GLRB: variants seen among roughly 807,000 people sequenced by gnomAD.
GLRB encodes glycine receptor beta.
In GLRB, 33 loss-of-function variants were observed where a neutral mutation model predicts 54.2. The observed-to-expected ratio is 0.61, with a 90% CI of 0.46 to 0.81. GLRB has a LOEUF of 0.81. Among genes scored for constraint, GLRB ranks in the 40% least tolerant of loss-of-function variants. The probability of loss-of-function intolerance (pLI) is 0.00; values close to 1 mark genes in which losing one functional copy is unlikely to be tolerated. For synonymous variants in GLRB, 209 were observed against 208.2 expected (o/e 1.00, Z -0.03); for missense variants, 572 against 584.6 (o/e 0.98, Z 0.22).
chr4:157,152,156 C>A (rs1394882838), intron 8 of GLRB, among the ~76,000 whole-genome samples: 5 of 152,118 alleles, frequency 3.3e-5, no homozygotes, highest in Non-Finnish European at 4.4e-5. Context: ...ATGGAGCAGA[C>A]CTTCATACCT....
At chr4:157,120,783 G>T in intron 3 of GLRB, 121 bp downstream of exon 3, 1 of 547,594 alleles carries the variant, frequency 1.8e-6, no homozygotes, top group Non-Finnish European at 3.4e-6. Flanking sequence ...AGATTTCAAA[G>T]TGATATATAA....
intron 2 of GLRB, among the ~76,000 whole-genome samples, chr4:157,081,712 T>A (rs1734228841): frequency 6.6e-6 from 1 of 152,218 alleles, no homozygotes; most frequent in South Asian, 2.1e-4. Context: ...ACCCTCTTCA[T>A]TGACTCCTTT....
chr4:157,077,574 A>C (rs1385267227), intron 1 of GLRB, among the ~76,000 whole-genome samples: 2 of 152,096 alleles, frequency 1.3e-5, no homozygotes, highest in Non-Finnish European at 2.9e-5. Flanking sequence ...ATTTAAAAAG[A>C]AAAAGATACT....
In GLRB at chr4:157,148,906, G is replaced by A. The variant is rs549631787; in HGVS notation, c.905-3812G>A. On this transcript the variant is annotated intron_variant, in intron 8 of 9. Coordinates refer to ENST00000264428, the MANE Select transcript of GLRB (RefSeq NM_000824.5). The stretch of plus-strand genomic sequence containing the variant: ...CTTTTGTGTGGTTATTGTTATTGGT[G>A]AGAGATGTTAAGATCTCCAATTATA... 2.0e-5 allele frequency among the ~76,000 whole-genome samples: 3 copies of A among 152,140 alleles called. No homozygotes were observed. In the East Asian group the frequency reaches 5.8e-4, roughly 29 times the overall value.
At chr4:157,169,466 A>G (rs1358899880) in intron 9 of GLRB, among the ~76,000 whole-genome samples, 1 of 152,110 alleles carries the variant, frequency 6.6e-6, no homozygotes, top group African/African-American at 2.4e-5. Flanking sequence ...TCTGTGGGGA[A>G]TTGGTTCCAG....
chr4:157,099,222 G>A (rs1317338387), intron 2 of GLRB, among the ~76,000 whole-genome samples: 1 of 152,098 alleles, frequency 6.6e-6, no homozygotes, highest in African/African-American at 2.4e-5. Context: ...GTAACATGAA[G>A]ACTGGAGTTA....
At chr4:157,155,449 A>G (rs1737190324) in intron 9 of GLRB, among the ~76,000 whole-genome samples, 1 of 152,064 alleles carries the variant, frequency 6.6e-6, no homozygotes, top group Non-Finnish European at 1.5e-5. Flanking sequence ...TCCTTTACCC[A>G]TTTTTGGATA....
intron 2 of GLRB, among the ~76,000 whole-genome samples, chr4:157,105,808 T>C (rs958655030): frequency 6.6e-6 from 1 of 152,130 alleles, no homozygotes; most frequent in African/African-American, 2.4e-5. Context: ...TTAAAGTCTA[T>C]TTTATCTAGG....
intron 2 of GLRB, among the ~76,000 whole-genome samples, chr4:157,117,378 A>G (rs979878371): frequency 6.6e-6 from 1 of 151,656 alleles, no homozygotes; most frequent in Non-Finnish European, 1.5e-5. Context: ...CTCTTCTACC[A>G]ATGTTTTTCT....
chr4:157,151,256 G>A (rs1478469567), intron 8 of GLRB, among the ~76,000 whole-genome samples: 1 of 152,010 alleles, frequency 6.6e-6, no homozygotes, highest in African/African-American at 2.4e-5. Flanking sequence ...CACAAAATTT[G>A]GCAAAGAATA....
At chr4:157,095,951 C>G (rs1242859660) in intron 2 of GLRB, among the ~76,000 whole-genome samples, 1 of 152,090 alleles carries the variant, frequency 6.6e-6, no homozygotes, top group Non-Finnish European at 1.5e-5. Context: ...TTGGAGCTCA[C>G]AACATAGGAA....
At chr4:157,136,956 GACATCTTAGACA>G in intron 6 of GLRB, 70 bp downstream of exon 6, 1 of 869,630 alleles carries the variant, frequency 1.1e-6, no homozygotes. Flanking sequence ...ACATTCTACT[GACATCTTAGACA>G]ACAGTGGTAA....
intron 8 of GLRB, among the ~76,000 whole-genome samples, chr4:157,150,574 T>C (rs1736984603): frequency 6.6e-6 from 1 of 152,112 alleles, no homozygotes; most frequent in African/African-American, 2.4e-5. Flanking sequence ...TTGAATGATA[T>C]TGGCTAATCT....
At chr4:157,132,788 C>T (rs114467699) in intron 4 of GLRB, among the ~76,000 whole-genome samples, 39 of 151,908 alleles carry the variant, frequency 2.6e-4, no homozygotes, top group African/African-American at 6.7e-4. Flanking sequence ...TAACAGAGTC[C>T]GGCAAAATCA....
chr4:157,170,583 A>T lies in GLRB; in HGVS notation c.1349A>T (p.Lys450Ile), dbSNP rs370596921. 1 of 1,613,502 alleles carries T rather than the reference A, an allele frequency of 6.2e-7. No homozygotes were observed. Among genetic ancestry groups the T allele is most frequent in the African/African-American group, 1.3e-5 (1 of 74,886 alleles). Residue 450 changes from lysine to isoleucine, a missense_variant, in exon 10 of 10, where the codon AAA (lysine) becomes ATA (isoleucine). Physicochemically the swap from Lys to Ile is moderately radical, Grantham distance 102. Transcript: ENST00000264428. The stretch of plus-strand genomic sequence containing the variant: ...ATTGAAGTTAACAACGGACTTGGGA[A>T]ATCTCAGGCTAAGAACAACAAGAAG... ...KPIEVNNGLGKSQAKNNKKPP... is the reference protein window; with the variant it reads ...KPIEVNNGLGISQAKNNKKPP...
At chr4:157,139,153 G>A (rs1736520868) in intron 7 of GLRB, among the ~76,000 whole-genome samples, 1 of 152,072 alleles carries the variant, frequency 6.6e-6, no homozygotes. Flanking sequence ...AGATAGACAT[G>A]CTTGATTTTT....
intron 2 of GLRB, among the ~76,000 whole-genome samples, chr4:157,118,404 A>G (rs931985733): frequency 4.6e-5 from 7 of 151,638 alleles, no homozygotes; most frequent in African/African-American, 1.7e-4. Context: ...AGAGTTTTCC[A>G]TCTTTTGTTA....
intron 9 of GLRB, among the ~76,000 whole-genome samples, chr4:157,160,851 C>T (rs983653531): frequency 7.2e-5 from 11 of 152,136 alleles, no homozygotes. Flanking sequence ...ATTAGGCCCA[C>T]TTGGTGCAGA....
chr4:157,164,905 A>T (rs866734268), intron 9 of GLRB, among the ~76,000 whole-genome samples: 16 of 152,152 alleles, frequency 1.1e-4, no homozygotes, highest in Non-Finnish European at 7.4e-5. Context: ...TACCCAATAA[A>T]TAAAAGTTAA....
Sources: allele counts gnomAD v4.1 joint callset (sites outside exome capture counted in the v4.1 genomes callset), GRCh38; gene constraint gnomAD v4.1.1; transcripts MANE v1.5; gene names NCBI Gene and HGNC (gene_info 2026-07-23, HGNC 2026-07-21).